The following LARS2 variants were observed in gnomAD, a reference collection of about 807,000 sequenced individuals.
LARS2 encodes leucyl-tRNA synthetase 2, mitochondrial.
In LARS2, 81 loss-of-function variants were observed where a neutral mutation model predicts 116.6. That is an observed-to-expected ratio of 0.69 (90% confidence interval 0.58 to 0.84). The LOEUF is 0.84. Ranked by LOEUF, LARS2 falls within the 40% of genes least tolerant of loss-of-function variation. The pLI is 0.00. For synonymous variants in LARS2, 396 were observed against 407.2 expected (o/e 0.97, Z 0.33); for missense variants, 968 against 1,114.5 (o/e 0.87, Z 1.87).
At chr3:45,453,263 T>G (rs947875489) in intron 7 of LARS2, among the ~76,000 whole-genome samples, 1 of 152,192 alleles carries the variant, frequency 6.6e-6, no homozygotes, top group African/African-American at 2.4e-5. Context: ...TTATCTGGAG[T>G]TGCTTATCTG....
intron 10 of LARS2, among the ~76,000 whole-genome samples, chr3:45,478,544 T>G (rs1699650772): frequency 6.6e-6 from 1 of 152,336 alleles, no homozygotes; most frequent in South Asian, 2.1e-4. Context: ...CAAACAGCAC[T>G]GTTTTCATGA....
In LARS2 at chr3:45,516,272, G is replaced by A; in HGVS notation, c.2040G>A (p.Val680=). The A allele has an allele frequency of 1.2e-6, 2 of 1,612,472 alleles. No individual in the cohort carries two copies. ...APPEKDILWD[V]KTDALPGVLR... ...CTGAGAAGGATATCTTGTGGGATGT[G>A]AAAAGTAAGTCACCTTCCTCTTCCT... The change falls in exon 17 of 22, where the codon GTG becomes GTA. Residue 680 remains valine, a synonymous_variant. Coordinates refer to ENST00000645846, the MANE Select transcript of LARS2 (RefSeq NM_015340.4).
At chr3:45,501,630 C>G (rs1470997398) in intron 15 of LARS2, among the ~76,000 whole-genome samples, 1 of 152,178 alleles carries the variant, frequency 6.6e-6, no homozygotes, top group African/African-American at 2.4e-5. Flanking sequence ...AACAAAACTG[C>G]TATGAACCTT....
At chr3:45,447,871 T>C (rs773293899) in intron 7 of LARS2, among the ~76,000 whole-genome samples, 2 of 152,178 alleles carry the variant, frequency 1.3e-5, no homozygotes, top group Non-Finnish European at 2.9e-5. Context: ...AAGAGCATCA[T>C]AGTGTGGCCT....
chr3:45,492,914 C>T (rs1290331174), intron 13 of LARS2, among the ~76,000 whole-genome samples: 1 of 152,082 alleles, frequency 6.6e-6, no homozygotes, highest in Non-Finnish European at 1.5e-5. Context: ...AATGTTGGCT[C>T]CAGGAGGAAA....
intron 20 of LARS2, among the ~76,000 whole-genome samples, chr3:45,529,921 A>C (rs942690239): frequency 1.3e-5 from 2 of 152,090 alleles, no homozygotes; most frequent in African/African-American, 2.4e-5. Context: ...CAGAGCGAGG[A>C]GATATGTCTT....
chr3:45,390,797 C>T (rs1026132948), intron 1 of LARS2, among the ~76,000 whole-genome samples: 9 of 151,912 alleles, frequency 5.9e-5, no homozygotes, highest in African/African-American at 1.9e-4. Flanking sequence ...GGACTACAGG[C>T]GCCCGCCACC....
chr3:45,543,728 T>G (rs2125772520), intron 21 of LARS2, among the ~76,000 whole-genome samples: 1 of 152,238 alleles, frequency 6.6e-6, no homozygotes, highest in East Asian at 1.9e-4. Context: ...CCTCCCAAAG[T>G]GCTGGGATTA....
At position 45,541,821 on chromosome 3, in the gene LARS2, C is replaced by A. The variant is rs1442165968; in HGVS notation, c.2405-8C>A. 1 of 1,613,890 alleles carries A rather than the reference C, an allele frequency of 6.2e-7. No homozygotes were observed. The highest frequency in any genetic ancestry group is 8.5e-7 in the Non-Finnish European group (1 of 1,179,936). On this transcript the variant is annotated splice_polypyrimidine_tract_variant and splice_region_variant and intron_variant, in intron 20 of 21. Coordinates refer to ENST00000645846, the MANE Select transcript of LARS2 (RefSeq NM_015340.4). ...GTGACCCCACGCTTCTGTGCCTCGG[C>A]ATTGCAGGCCTGGCGCTGGTGCCGA... is the stretch of plus-strand genomic sequence containing the variant.
chr3:45,436,234 T>G (rs1423280528), intron 6 of LARS2, among the ~76,000 whole-genome samples: 1 of 152,118 alleles, frequency 6.6e-6, no homozygotes, highest in East Asian at 1.9e-4. Context: ...AGTCCTTATA[T>G]TATTCAGGAA....
intron 15 of LARS2, among the ~76,000 whole-genome samples, chr3:45,505,907 CTA>C (rs1242073153): frequency 7.2e-5 from 11 of 151,986 alleles, no homozygotes; most frequent in Non-Finnish European, 1.3e-4. Flanking sequence ...TAGTTTAAGA[CTA>C]TATTCAAGCA....
rs2125712824 is a variant in LARS2, at chr3:45,463,842, CGAG to C, written c.750+4969_750+4971del. 2.6e-5 allele frequency among the ~76,000 whole-genome samples: 4 copies of C among 151,880 alleles called. No individual in the cohort carries two copies. The East Asian group carries it at 5.8e-4, about 22-fold the overall frequency. ...CTCCTGCAAAAGAGTGCAGGGGAGACGAGGAGGAGGAGGAGCCCCAGATCTGCC... is the reference window on the plus strand; with the variant it reads ...CTCCTGCAAAAGAGTGCAGGGGAGACGAGGAGGAGGAGCCCCAGATCTGCC... On this transcript the variant is annotated intron_variant, in intron 8 of 21. Transcript: ENST00000645846.
At chr3:45,415,445 C>G (rs1311700832) in intron 4 of LARS2, among the ~76,000 whole-genome samples, 1 of 152,170 alleles carries the variant, frequency 6.6e-6, no homozygotes, top group Non-Finnish European at 1.5e-5. Flanking sequence ...GGTAGTTATG[C>G]TATCATCCCC....
At chr3:45,428,239 G>GGTTT (rs1698629427) in intron 6 of LARS2, among the ~76,000 whole-genome samples, 1 of 84,190 alleles carries the variant, frequency 1.2e-5, no homozygotes, top group Non-Finnish European at 2.0e-5. Flanking sequence ...ATCTTAACCT[G>GGTTT]TTTTTTTTTT....
At chr3:45,530,721 T>A (rs1461636665) in intron 20 of LARS2, among the ~76,000 whole-genome samples, 1 of 152,260 alleles carries the variant, frequency 6.6e-6, no homozygotes, top group Non-Finnish European at 1.5e-5. Context: ...AGTTATTCCA[T>A]CTTCCACTCT....
intron 15 of LARS2, among the ~76,000 whole-genome samples, chr3:45,505,265 A>T (rs1290461127): frequency 6.6e-6 from 1 of 152,018 alleles, no homozygotes; most frequent in Admixed American, 6.6e-5. Flanking sequence ...TGAGCCCAGG[A>T]GCTTGATTCC....
chr3:45,529,349 C>G (rs1700580202), intron 20 of LARS2, among the ~76,000 whole-genome samples: 1 of 151,946 alleles, frequency 6.6e-6, no homozygotes, highest in Non-Finnish European at 1.5e-5. Context: ...GGCTGATCAC[C>G]TGAGGTCGGG....
Position 45,491,043 on chromosome 3 carries a change from T to G in LARS2, c.1240-474T>G, listed in dbSNP as rs180715601. ...GAATATTTTCCCCCCAACAGGGGAG[T>G]AGTCATTAAAAATCCATATCGTGCA... On this transcript the variant is annotated intron_variant, in intron 12 of 21. Coordinates refer to ENST00000645846, the MANE Select transcript of LARS2 (RefSeq NM_015340.4). 2.1e-3 allele frequency among the ~76,000 whole-genome samples: 325 copies of G among 152,216 alleles called. 1 individual carries two copies. The highest frequency in any genetic ancestry group is 4.2e-3 in the Non-Finnish European group (284 of 68,022).
chr3:45,389,714 C>G (rs563342771), intron 1 of LARS2, among the ~76,000 whole-genome samples: 1 of 152,180 alleles, frequency 6.6e-6, no homozygotes, highest in Non-Finnish European at 1.5e-5. Flanking sequence ...CTGGAGGAGC[C>G]CGAGCTAAGG....
Sources: gnomAD v4.1 joint callset for allele counts (sites outside exome capture counted in the v4.1 genomes callset) on GRCh38, gnomAD v4.1.1 for gene constraint, MANE v1.5 for transcripts, NCBI Gene and HGNC (gene_info 2026-07-23, HGNC 2026-07-21) for gene names.